UPF2: variants seen among roughly 807,000 people sequenced by gnomAD.
UPF2 encodes UPF2 regulator of nonsense mediated mRNA decay, also known as regulator of nonsense transcripts 2.
In UPF2, 17 loss-of-function variants were observed where a neutral mutation model predicts 141.4. The ratio of observed to expected loss-of-function variants is 0.12; its 90% CI spans 0.08 to 0.18. UPF2 has a LOEUF of 0.18. Among genes scored for constraint, UPF2 ranks in the 10% least tolerant of loss-of-function variants. The pLI is 1.00. For synonymous variants in UPF2, 540 were observed against 498.0 expected, an observed-to-expected ratio of 1.08 and a Z score of -1.12; for missense variants, 1,152 against 1,515.9, an observed-to-expected ratio of 0.76 and a Z score of 3.99.
intron 9 of UPF2, among the ~76,000 whole-genome samples, chr10:11,967,903 C>T (rs552310727): frequency 2.0e-5 from 3 of 150,156 alleles, no homozygotes; most frequent in Admixed American, 1.3e-4. Flanking sequence ...TGCTATAGGC[C>T]GGGTGCGGTG....
intron 16 of UPF2, among the ~76,000 whole-genome samples, chr10:11,944,392 T>G (rs147760240): frequency 0.06 from 9,127 of 151,746 alleles, 376 homozygotes; most frequent in Non-Finnish European, 0.092. Flanking sequence ...TACTCAGGAG[T>G]CTGAGGCAGG....
chr10:11,973,602 T>C (rs1279118912), intron 9 of UPF2, among the ~76,000 whole-genome samples: 2 of 152,240 alleles, frequency 1.3e-5, no homozygotes, highest in Non-Finnish European at 2.9e-5. Context: ...TTTCTACATA[T>C]GGCTAGCCAG....
intron 18 of UPF2, 45 bp downstream of exon 18, chr10:11,942,620 T>A (rs1026098558): frequency 5.8e-6 from 9 of 1,558,250 alleles, no homozygotes; most frequent in African/African-American, 1.4e-5. Flanking sequence ...TGGGCTGCAA[T>A]GTTTTGTATT....
intron 9 of UPF2, 131 bp downstream of exon 9, chr10:11,978,926 T>G (rs932022793): frequency 1.2e-5 from 8 of 683,162 alleles, no homozygotes; most frequent in East Asian, 2.8e-5. Flanking sequence ...AAATTTAGAA[T>G]GCCGTAAATT....
chr10:11,970,338 T>C (rs186621859), intron 9 of UPF2, among the ~76,000 whole-genome samples: 3 of 151,434 alleles, frequency 2.0e-5, no homozygotes, highest in East Asian at 3.9e-4. Context: ...CATGAAAAAC[T>C]ATAGAGAAAA....
intron 21 of UPF2, among the ~76,000 whole-genome samples, chr10:11,922,147 C>A (rs1010117943): frequency 3.3e-5 from 5 of 152,180 alleles, no homozygotes; most frequent in African/African-American, 1.2e-4. Flanking sequence ...AGAAGGCAGG[C>A]CTGGAGCAGT....
At chr10:11,930,074 T>C in intron 20 of UPF2, 89 bp from the exon 21 acceptor site, 1 of 1,569,536 alleles carries the variant, frequency 6.4e-7, no homozygotes, top group Non-Finnish European at 8.7e-7. Flanking sequence ...GGAGATTAAG[T>C]TTATTAGTCC....
chr10:12,011,848 G>A (rs10430798), intron 4 of UPF2, among the ~76,000 whole-genome samples: 57,802 of 151,020 alleles, frequency 0.38, 13,390 homozygotes, highest in Non-Finnish European at 0.51. Flanking sequence ...AGGAGGCTGA[G>A]GCAGGAGAAT....
chr10:11,979,874 C>T lies in UPF2; in HGVS notation c.1845-709G>A, dbSNP rs770251768. 5.3e-5 allele frequency among the ~76,000 whole-genome samples: 8 copies of T among 152,170 alleles called. No homozygotes were observed. The highest frequency in any genetic ancestry group is 8.8e-5 in the Non-Finnish European group (6 of 68,032). ...GAGCCCAGATCACGCCACTGCACTC[C>T]AGCCTGGGTGACAAAGCAAGACTCC... On this transcript the variant is annotated intron_variant, in intron 8 of 21. Coordinates refer to ENST00000357604, the MANE Select transcript of UPF2 (RefSeq NM_015542.4). The surrounding 1 kb of genome is among the most constrained non-coding windows in gnomAD (Gnocchi z 6.2).
At chr10:11,993,709 A>G (rs1332029814) in intron 8 of UPF2, among the ~76,000 whole-genome samples, 1 of 152,238 alleles carries the variant, frequency 6.6e-6, no homozygotes, top group African/African-American at 2.4e-5. Context: ...ACAGCGGCTC[A>G]TGCCTGTAAT....
At chr10:11,985,559 C>T (rs1047865636) in intron 8 of UPF2, among the ~76,000 whole-genome samples, 15 of 151,238 alleles carry the variant, frequency 9.9e-5, no homozygotes, top group African/African-American at 3.4e-4. Flanking sequence ...ATGGCGTGAA[C>T]CCGGGAGGCG....
At position 11,943,142 on chromosome 10, in the gene UPF2, C is replaced by G. The variant is rs757058870; in HGVS notation, c.3201G>C (p.Glu1067Asp). ...TATTCTCTTCCTCCTCTTCTTCTCCCTCATCATCATCATTATCAGAACCCT... is the reference window on the plus strand; with the variant it reads ...TATTCTCTTCCTCCTCTTCTTCTCCGTCATCATCATCATTATCAGAACCCT... ...EEEGSDNDDD[E>D]GEEEEEENTD... Residue 1067 changes from glutamate (E) to aspartate (D), a missense_variant, in exon 17 of 22, where the codon GAG (glutamate) becomes GAC (aspartate). By Grantham distance (45) the Glu-to-Asp change is conservative. This residue lies in a region of UPF2 where 202 missense variants were observed against 223.6 expected (regional missense o/e 0.90). Transcript: ENST00000357604. 2 of 1,610,752 alleles carry G rather than the reference C, an allele frequency of 1.2e-6. No individual in the cohort carries two copies. The highest frequency in any genetic ancestry group is 3.3e-5 in the Admixed American group (2 of 59,868).
chr10:12,028,147 A>G (rs1353613834), intron 3 of UPF2, among the ~76,000 whole-genome samples: 1 of 152,168 alleles, frequency 6.6e-6, no homozygotes, highest in Non-Finnish European at 1.5e-5. Flanking sequence ...CTTTTCACCA[A>G]TTACCACAGG....
rs935515536 is a variant in UPF2 at position 12,019,721 on chromosome 10, G to GTT, written c.1146-5539_1146-5538dup. On this transcript the variant is annotated intron_variant, in intron 3 of 21. Transcript: ENST00000357604. The surrounding 1 kb of genome is among the most constrained non-coding windows in gnomAD (Gnocchi z 4.5). ...ACGTCAGTCCTTGATTTTATGGAGT[G>GTT]TTTTTTTTTGTTTTGTTTTTGAGAT... Among the ~76,000 whole-genome samples, 1 of 151,038 alleles carries GTT rather than the reference G, an allele frequency of 6.6e-6. No individual in the cohort carries two copies. Among genetic ancestry groups the GTT allele is most frequent in the Non-Finnish European group, 1.5e-5 (1 of 67,660 alleles).
At chr10:11,987,105 G>A (rs1833704592) in intron 8 of UPF2, among the ~76,000 whole-genome samples, 1 of 152,206 alleles carries the variant, frequency 6.6e-6, no homozygotes, top group South Asian at 2.1e-4. Flanking sequence ...ATTGGCTTAG[G>A]TGAGGGGCCT....
rs144752256 is a variant in UPF2 at position 11,952,136 on chromosome 10, T to C, written c.2964A>G (p.Lys988=). The C allele has an allele frequency of 1.1e-4, 183 of 1,613,972 alleles. No individual in the cohort carries two copies. Among genetic ancestry groups the C allele is most frequent in the Non-Finnish European group, 1.5e-4 (176 of 1,179,970 alleles). The change falls in exon 15 of 22, where the codon AAA becomes AAG. Residue 988 remains lysine, a synonymous_variant. Transcript: ENST00000357604. ...DTLELLRPKI[K]LCNSLEESIR... is the part of the protein sequence containing the mutation. Reference sequence around the variant, plus strand: ...TGGATTCTTCCAGAGAATTACAGAGTTTGATCTTTGGTCTTAGCAGTTCTA... The same window carrying C: ...TGGATTCTTCCAGAGAATTACAGAGCTTGATCTTTGGTCTTAGCAGTTCTA...
intron 4 of UPF2, among the ~76,000 whole-genome samples, chr10:12,009,572 G>A (rs529375857): frequency 1.7e-4 from 26 of 152,290 alleles, no homozygotes; most frequent in Middle Eastern, 6.8e-3. Flanking sequence ...CTGGACATCA[G>A]GCAGTATAGG....
intron 8 of UPF2, among the ~76,000 whole-genome samples, chr10:11,985,487 A>C (rs1275937320): frequency 1.3e-5 from 2 of 152,008 alleles, no homozygotes; most frequent in Non-Finnish European, 2.9e-5. Context: ...AATACAAAAA[A>C]TTAGCTGGGC....
At chr10:11,954,936 T>C (rs775232306) in intron 14 of UPF2, among the ~76,000 whole-genome samples, 106 of 151,734 alleles carry the variant, frequency 7.0e-4, no homozygotes, top group Non-Finnish European at 1.0e-3. Flanking sequence ...ATTACTGTAT[T>C]AAATATCACG....
Sources: gnomAD v4.1 joint callset for allele counts (sites outside exome capture counted in the v4.1 genomes callset) on GRCh38, gnomAD v4.1.1 for gene constraint, gnomAD v4.1.1 regional missense constraint, Gnocchi (gnomAD v3.1) non-coding constraint, MANE v1.5 for transcripts, NCBI Gene and HGNC (gene_info 2026-07-23, HGNC 2026-07-21) for gene names.